CIT: variants seen among roughly 807,000 people sequenced by gnomAD.
CIT encodes citron Rho-interacting kinase.
A neutral mutation model predicts 272.7 loss-of-function variants in CIT; 79 were observed. That is an observed-to-expected ratio of 0.29 (90% confidence interval 0.24 to 0.35). The LOEUF is 0.35. Among genes scored for constraint, CIT ranks in the 10% least tolerant of loss-of-function variants. CIT has a pLI of 1.00. For synonymous variants in CIT, 948 were observed against 995.6 expected, an observed-to-expected ratio of 0.95 and a Z score of 0.90; for missense variants, 1,909 against 2,618.3, an observed-to-expected ratio of 0.73 and a Z score of 5.91.
chr12:119,776,518 T>A (rs1963765318), intron 14 of CIT, 110 bp from the exon 15 acceptor site: 3 of 1,137,806 alleles, frequency 2.6e-6, no homozygotes, highest in Admixed American at 4.3e-5. Flanking sequence ...ATAAGAATAA[T>A]GTTATCTTCT....
intron 10 of CIT, among the ~76,000 whole-genome samples, chr12:119,791,877 T>C (rs1416600972): frequency 6.6e-6 from 1 of 152,224 alleles, no homozygotes; most frequent in Non-Finnish European, 1.5e-5. Flanking sequence ...GCATGGTCAT[T>C]ACCGCTGTAA....
At chr12:119,763,070 G>A (rs1313331463) in intron 19 of CIT, among the ~76,000 whole-genome samples, 2 of 152,040 alleles carry the variant, frequency 1.3e-5, no homozygotes, top group Non-Finnish European at 2.9e-5. Flanking sequence ...ATAAATAAAA[G>A]AACATACGGA....
Position 119,690,168 on chromosome 12 carries a change from G to T in CIT, c.6169C>A (p.Leu2057Met), listed in dbSNP as rs771406505. Reference sequence around the variant, plus strand: ...TGCCTCACCTTGTTCACCTGGGACAGCGGGGTCCTCACGGCTCCCGCAGGC... The same window carrying T: ...TGCCTCACCTTGTTCACCTGGGACATCGGGGTCCTCACGGCTCCCGCAGGC... ...RLPAGAVRTP[L>M]SQVNKVWDQS... The change falls in exon 47 of 48, where the codon CTG (leucine) becomes ATG (methionine). Residue 2057 changes from leucine to methionine, a missense_variant. Coordinates refer to ENST00000392521, the MANE Select transcript of CIT (RefSeq NM_001206999.2). The surrounding 1 kb of genome is among the most constrained non-coding windows in gnomAD (Gnocchi z 6.0). The T allele has an allele frequency of 6.7e-7, 1 of 1,481,790 alleles. No individual in the cohort carries two copies. Among genetic ancestry groups the T allele is most frequent in the Admixed American group, 2.4e-5 (1 of 40,946 alleles). The allele number at this position is 1,481,790 out of a possible 1,614,324, so 91.8% of individuals were successfully genotyped here. A position where few individuals can be genotyped will look rare whatever the true frequency, so the allele number is the denominator to read the frequency against.
chr12:119,839,489 G>A (rs1291962871), intron 5 of CIT, among the ~76,000 whole-genome samples: 1 of 152,180 alleles, frequency 6.6e-6, no homozygotes, highest in Admixed American at 6.5e-5. Flanking sequence ...TGGCATGAGG[G>A]AGGAGAGAAG....
intron 9 of CIT, among the ~76,000 whole-genome samples, chr12:119,812,546 C>T (rs1966858539): frequency 2.0e-5 from 3 of 151,176 alleles, no homozygotes. Flanking sequence ...CTCAAGCAAT[C>T]CTCCCACCTC....
chr12:119,767,030 T>C (rs1962529950), intron 19 of CIT, 57 bp downstream of exon 19: 2 of 1,272,282 alleles, frequency 1.6e-6, no homozygotes, highest in African/African-American at 3.0e-5. Context: ...CAGGAAGAGA[T>C]GGGAGCTACA....
At chr12:119,826,103 G>A (rs1295868578) in intron 7 of CIT, among the ~76,000 whole-genome samples, 1 of 151,942 alleles carries the variant, frequency 6.6e-6, no homozygotes, top group Non-Finnish European at 1.5e-5. Flanking sequence ...GTGGCTAACT[G>A]GCAAGATAAT....
chr12:119,776,897 C>T (rs1471999972), intron 13 of CIT, 55 bp from the exon 14 acceptor site: 5 of 1,569,196 alleles, frequency 3.2e-6, no homozygotes, highest in South Asian at 1.1e-5. Context: ...AAAGAATAGA[C>T]AGGCAGTGAG....
At chr12:119,832,237 A>G (rs879481425) in intron 7 of CIT, among the ~76,000 whole-genome samples, 2 of 152,154 alleles carry the variant, frequency 1.3e-5, no homozygotes, top group Non-Finnish European at 2.9e-5. Flanking sequence ...CTCACTCTTG[A>G]TCTCAGTAGC....
chr12:119,833,480 C>T (rs1164434239), intron 6 of CIT, among the ~76,000 whole-genome samples: 1 of 151,942 alleles, frequency 6.6e-6, no homozygotes, highest in Non-Finnish European at 1.5e-5. Flanking sequence ...TCCTGGCCAA[C>T]CTGGTGAAAC....
At chr12:119,792,865 G>C (rs1171494421) in intron 10 of CIT, among the ~76,000 whole-genome samples, 1 of 152,082 alleles carries the variant, frequency 6.6e-6, no homozygotes. Context: ...GGGAGGCTGA[G>C]GCAGGAGAAT....
chr12:119,765,380 A>G (rs1438884475), intron 19 of CIT, among the ~76,000 whole-genome samples: 1 of 146,170 alleles, frequency 6.8e-6, no homozygotes, highest in Non-Finnish European at 1.5e-5. Context: ...TATATAATAT[A>G]ATATATATTA....
intron 9 of CIT, among the ~76,000 whole-genome samples, chr12:119,821,612 A>C (rs947160566): frequency 4.6e-5 from 7 of 152,110 alleles, no homozygotes; most frequent in Admixed American, 1.3e-4. Flanking sequence ...GTTCATGAAT[A>C]AAAAAAATTA....
chr12:119,825,470 C>T (rs1215310346), intron 7 of CIT, 102 bp from the exon 8 acceptor site: 2 of 1,071,538 alleles, frequency 1.9e-6, no homozygotes. Context: ...CCACTGATTA[C>T]TATTCTCCCA....
chr12:119,799,473 C>T (rs996236016), intron 10 of CIT, among the ~76,000 whole-genome samples: 4 of 152,176 alleles, frequency 2.6e-5, no homozygotes, highest in African/African-American at 7.2e-5. Context: ...GCAATGGCAA[C>T]AGCCACTCTT....
chr12:119,777,284 G>A (rs1302874711), intron 13 of CIT, among the ~76,000 whole-genome samples: 1 of 151,148 alleles, frequency 6.6e-6, no homozygotes, highest in Non-Finnish European at 1.5e-5. Context: ...ACCTAGAGAC[G>A]AGGGGAGTAG....
intron 43 of CIT, 130 bp downstream of exon 43, chr12:119,701,494 G>T: frequency 9.6e-7 from 1 of 1,038,756 alleles, no homozygotes; most frequent in Non-Finnish European, 1.4e-6. Flanking sequence ...TGGTGGTGCT[G>T]GAAGGACATT....
chr12:119,790,736 G>T (rs1329177617), intron 10 of CIT, among the ~76,000 whole-genome samples: 1 of 152,176 alleles, frequency 6.6e-6, no homozygotes, highest in African/African-American at 2.4e-5. Flanking sequence ...CTATTAATAT[G>T]TAGTGGGTAG....
chr12:119,869,455 A>C (rs1434412984), intron 2 of CIT, among the ~76,000 whole-genome samples: 1 of 152,218 alleles, frequency 6.6e-6, no homozygotes, highest in Non-Finnish European at 1.5e-5. Flanking sequence ...GGCCATTAAC[A>C]AGAAAAGCTC....
Sources: allele counts gnomAD v4.1 joint callset (sites outside exome capture counted in the v4.1 genomes callset), GRCh38; gene constraint gnomAD v4.1.1; non-coding constraint Gnocchi (gnomAD v3.1); transcripts MANE v1.5; gene names NCBI Gene and HGNC (gene_info 2026-07-23, HGNC 2026-07-21).